Variants in MAML3 observed in about 807,000 individuals in gnomAD.
MAML3 encodes the protein mastermind-like protein 3.
In MAML3, 27 loss-of-function variants were observed where a neutral mutation model predicts 101.9. That is an observed-to-expected ratio of 0.27 (90% CI 0.20 to 0.37). MAML3 has a LOEUF of 0.37. Ranked by LOEUF, MAML3 falls within the 10% of genes least tolerant of loss-of-function variation. The probability of loss-of-function intolerance (pLI) is 1.00; values close to 1 mark genes in which losing one functional copy is unlikely to be tolerated. For synonymous variants in MAML3, 501 were observed against 555.9 expected (o/e 0.90, Z 1.39); for missense variants, 1,316 against 1,444.9 (o/e 0.91, Z 1.45).
At position 140,120,194 on chromosome 4, in the gene MAML3, G is replaced by A. The variant is rs190349133; in HGVS notation, c.468+32666C>T. ...GGAGCTTGCAGTGAGCCAAGATCGCGCCACCGCACTCCAGCCTGGGCGACA... is the reference window on the plus strand; with the variant it reads ...GGAGCTTGCAGTGAGCCAAGATCGCACCACCGCACTCCAGCCTGGGCGACA... On this transcript the variant is annotated intron_variant, in intron 1 of 4. Coordinates refer to ENST00000509479, the MANE Select transcript of MAML3 (RefSeq NM_018717.5). Among the ~76,000 whole-genome samples the A allele has an allele frequency of 4.0e-3, 589 of 145,714 alleles. 4 individuals carry two copies. The highest frequency in any genetic ancestry group is 0.013 in the African/African-American group (513 of 39,314).
At chr4:140,063,791 C>CT (rs1242333481) in intron 1 of MAML3, among the ~76,000 whole-genome samples, 1 of 126,748 alleles carries the variant, frequency 7.9e-6, no homozygotes, top group Non-Finnish European at 1.7e-5. Flanking sequence ...TGCTTGCTTG[C>CT]TTTAAAAAAA....
chr4:140,153,153 C>T lies in MAML3; in HGVS notation c.175G>A (p.Gly59Ser). Residue 59 changes from glycine (G) to serine (S), a missense_variant, in exon 1 of 5, where the codon GGC (glycine) becomes AGC (serine). By Grantham distance (56) the Gly-to-Ser change is moderately conservative (BLOSUM62 0). Transcript: ENST00000509479. ...ACGGCCGCCGAACCGCCGCCGGGGC[C>T]CCCGGAGCCGCCGCATCCACCGGCT... ...PAAGGCGGSGGPGGGSAAVPK... is the reference protein window; with the variant it reads ...PAAGGCGGSGSPGGGSAAVPK... 3.2e-6 allele frequency: 5 copies of T among 1,550,384 alleles called. No homozygotes were observed. Among genetic ancestry groups the T allele is most frequent in the South Asian group, 1.2e-5 (1 of 84,112 alleles).
At chr4:140,040,684 A>C (rs1396025582) in intron 1 of MAML3, among the ~76,000 whole-genome samples, 1 of 152,212 alleles carries the variant, frequency 6.6e-6, no homozygotes, top group African/African-American at 2.4e-5. Context: ...TAAATTACAC[A>C]CAGAGTAATT....
intron 2 of MAML3, among the ~76,000 whole-genome samples, chr4:139,802,181 GGCTGGATA>G (rs1188830471): frequency 2.6e-5 from 4 of 152,148 alleles, no homozygotes. Context: ...GCAGAGAGGA[GGCTGGATA>G]GCCTGAAGAT....
intron 2 of MAML3, among the ~76,000 whole-genome samples, chr4:139,779,499 T>C (rs1207426981): frequency 6.6e-6 from 1 of 152,242 alleles, no homozygotes; most frequent in Non-Finnish European, 1.5e-5. Context: ...ATTTTTTACA[T>C]TTAAGATTGT....
chr4:140,145,414 C>T (rs1038783607), intron 1 of MAML3, among the ~76,000 whole-genome samples: 1 of 152,176 alleles, frequency 6.6e-6, no homozygotes, highest in African/African-American at 2.4e-5. Flanking sequence ...TAGTTATTAG[C>T]ATTTTAAAAG....
intron 4 of MAML3, among the ~76,000 whole-genome samples, chr4:139,721,135 C>T (rs779016270): frequency 2.0e-5 from 3 of 152,226 alleles, no homozygotes; most frequent in African/African-American, 7.2e-5. Context: ...TCCTTCAAAT[C>T]GGCAACGACT....
At chr4:139,970,394 G>A (rs567810152) in intron 1 of MAML3, among the ~76,000 whole-genome samples, 1 of 152,296 alleles carries the variant, frequency 6.6e-6, no homozygotes, top group Non-Finnish European at 1.5e-5. Flanking sequence ...GTCTGTGGAG[G>A]ACTATGGTGA....
intron 1 of MAML3, among the ~76,000 whole-genome samples, chr4:139,954,550 C>T (rs1171531013): frequency 1.3e-5 from 2 of 152,156 alleles, no homozygotes; most frequent in Admixed American, 6.5e-5. Flanking sequence ...ATAAGGGAAG[C>T]CCTGCATTAA....
chr4:139,854,786 TG>T (rs1294651322), intron 2 of MAML3, among the ~76,000 whole-genome samples: 1 of 152,150 alleles, frequency 6.6e-6, no homozygotes, highest in Non-Finnish European at 1.5e-5. Flanking sequence ...CAGAACACGG[TG>T]GTGGGGACTC....
intron 1 of MAML3, among the ~76,000 whole-genome samples, chr4:140,128,597 C>T (rs974040262): frequency 6.6e-6 from 1 of 152,112 alleles, no homozygotes; most frequent in Non-Finnish European, 1.5e-5. Context: ...GGAAAGCACT[C>T]TGTGTGTCAA....
intron 2 of MAML3, among the ~76,000 whole-genome samples, chr4:139,845,231 A>T (rs918658747): frequency 6.6e-6 from 1 of 152,190 alleles, no homozygotes; most frequent in African/African-American, 2.4e-5. Flanking sequence ...GAAGATGGGA[A>T]AGAAGAAGTG....
chr4:139,919,618 G>A (rs574042253), intron 1 of MAML3, among the ~76,000 whole-genome samples: 2 of 152,194 alleles, frequency 1.3e-5, no homozygotes, highest in African/African-American at 4.8e-5. Context: ...GAAGGACTGA[G>A]GGAGGCGAAC....
chr4:140,146,596 G>T lies in MAML3; in HGVS notation c.468+6264C>A, dbSNP rs192328084. Among the ~76,000 whole-genome samples, 483 of 152,206 alleles carry T rather than the reference G, an allele frequency of 3.2e-3. 3 individuals are homozygous for T. Among genetic ancestry groups the T allele is most frequent in the African/African-American group, 0.011 (455 of 41,528 alleles). On this transcript the variant is annotated intron_variant, in intron 1 of 4. Coordinates refer to ENST00000509479, the MANE Select transcript of MAML3 (RefSeq NM_018717.5). Reference sequence around the variant, plus strand: ...CATTTCCAAGTCACAAAACTAAATAGTGAATTTTTGGAATCTGTCTGGAAA... The same window carrying T: ...CATTTCCAAGTCACAAAACTAAATATTGAATTTTTGGAATCTGTCTGGAAA...
chr4:140,092,773 C>T (rs568989177), intron 1 of MAML3, among the ~76,000 whole-genome samples: 2 of 152,118 alleles, frequency 1.3e-5, no homozygotes, highest in Non-Finnish European at 2.9e-5. Context: ...ATTCTCCTAT[C>T]GCAGAGGCTC....
chr4:139,906,125 T>C lies in MAML3; in HGVS notation c.469-15158A>G, dbSNP rs1004115469. Among the ~76,000 whole-genome samples, 9 of 152,190 alleles carry C rather than the reference T, an allele frequency of 5.9e-5. No homozygotes were observed. In the South Asian group the frequency reaches 6.2e-4, roughly 11 times the overall value. ...CTATTTTTATTAATGTATTTACTTA[T>C]TTTGAGATGGGGGGCGGGTCTCACT... On this transcript the variant is annotated intron_variant, in intron 1 of 4. Transcript: ENST00000509479.
intron 2 of MAML3, among the ~76,000 whole-genome samples, chr4:139,760,952 T>C (rs1394911070): frequency 6.6e-6 from 1 of 151,508 alleles, no homozygotes; most frequent in Non-Finnish European, 1.5e-5. Context: ...ACAGCTTTCT[T>C]TTCTTTTCTT....
intron 2 of MAML3, chr4:139,889,133 C>A (rs1270553706): frequency 7.1e-6 from 6 of 845,608 alleles, no homozygotes; most frequent in Non-Finnish European, 1.2e-5. Flanking sequence ...AAGTTTGATT[C>A]CTAGACACTG....
chr4:139,752,726 C>T (rs768786071), intron 2 of MAML3, among the ~76,000 whole-genome samples: 4 of 151,934 alleles, frequency 2.6e-5, no homozygotes, highest in African/African-American at 7.3e-5. Context: ...CATGGCCAAT[C>T]GAAGATCGCA....
Sources: gnomAD v4.1 joint callset for allele counts (sites outside exome capture counted in the v4.1 genomes callset) on GRCh38, gnomAD v4.1.1 for gene constraint, MANE v1.5 for transcripts, NCBI Gene and HGNC (gene_info 2026-07-23, HGNC 2026-07-21) for gene names.